The following PHAF1 variants were observed in gnomAD, a reference collection of about 807,000 sequenced individuals.
PHAF1 encodes phagosome assembly factor 1.
In PHAF1, 23 loss-of-function variants were observed where a neutral mutation model predicts 63.1. The observed-to-expected ratio is 0.36, with a 90% CI of 0.26 to 0.52. The LOEUF is 0.52. PHAF1 is among the 20% of genes least tolerant of loss of function. The pLI is 0.93. For missense variants in PHAF1, 427 were observed against 517.2 expected (o/e 0.83, Z 1.69); for synonymous variants, 167 against 185.0 (o/e 0.90, Z 0.79).
chr16:67,123,484 G>A (rs972946254), intron 2 of PHAF1, among the ~76,000 whole-genome samples: 9 of 152,122 alleles, frequency 5.9e-5, no homozygotes, highest in Non-Finnish European at 1.3e-4. Context: ...GGCTGGAGCA[G>A]GAGAATCACT....
chr16:67,110,126 C>T lies in PHAF1; in HGVS notation c.-50C>T. 1.9e-6 allele frequency: 3 copies of T among 1,544,658 alleles called. No individual in the cohort carries two copies. The highest frequency in any genetic ancestry group is 1.8e-6 in the Non-Finnish European group (2 of 1,142,654). ...GCTGCTTTGTCTCCTTAGCTCGGGTCCCTTCTGCGCTGCCGCAGGGAGGCC... is the reference window on the plus strand; with the variant it reads ...GCTGCTTTGTCTCCTTAGCTCGGGTTCCTTCTGCGCTGCCGCAGGGAGGCC... On this transcript the variant is annotated 5_prime_UTR_variant, in exon 1 of 16. Coordinates refer to ENST00000219139, the MANE Select transcript of PHAF1 (RefSeq NM_025187.5).
At chr16:67,146,893 G>A in intron 15 of PHAF1, 152 bp from the exon 16 acceptor site, 1 of 709,242 alleles carries the variant, frequency 1.4e-6, no homozygotes, top group East Asian at 2.5e-5. Context: ...CAGGCAGAGG[G>A]GGGCCTTTAG....
rs796296200 is a variant in PHAF1 at position 67,113,510 on chromosome 16, C to T, written c.64+3271C>T. ...TGTTGCCCAGGCTAGAGTGCAGTAG[C>T]GTGATTTTGGCTCACTGCAAGCTCC... is the stretch of plus-strand genomic sequence containing the variant. On this transcript the variant is annotated intron_variant, in intron 1 of 15. Transcript: ENST00000219139. 7.7e-4 allele frequency among the ~76,000 whole-genome samples: 113 copies of T among 147,178 alleles called. 1 individual carries two copies. Among genetic ancestry groups the T allele is most frequent in the African/African-American group, 2.6e-3 (103 of 39,624 alleles).
At chr16:67,118,123 ATTTTTT>A (rs772394136) in intron 1 of PHAF1, among the ~76,000 whole-genome samples, 1 of 120,950 alleles carries the variant, frequency 8.3e-6, no homozygotes, top group South Asian at 2.8e-4. Flanking sequence ...CGCCCGGCTA[ATTTTTT>A]TTTTTTTTTT....
chr16:67,110,153 C>T lies in PHAF1; in HGVS notation c.-23C>T. The stretch of plus-strand genomic sequence containing the variant: ...CTTCTGCGCTGCCGCAGGGAGGCCG[C>T]CCGGGCCAGGCGAGCCGAACCAATG... On this transcript the variant is annotated 5_prime_UTR_variant, in exon 1 of 16. Transcript: ENST00000219139. 1.3e-6 allele frequency: 2 copies of T among 1,550,578 alleles called. No individual in the cohort carries two copies. The highest frequency in any genetic ancestry group is 1.7e-6 in the Non-Finnish European group (2 of 1,147,130).
intron 4 of PHAF1, 111 bp from the exon 5 acceptor site, chr16:67,132,331 ATAAT>A (rs918736818): frequency 3.3e-6 from 3 of 900,542 alleles, no homozygotes; most frequent in African/African-American, 3.4e-5. Context: ...GTATTTTGAT[ATAAT>A]TAGAGACTCA....
At chr16:67,122,262 T>TGTTA (rs1179114644) in intron 2 of PHAF1, among the ~76,000 whole-genome samples, 1 of 152,156 alleles carries the variant, frequency 6.6e-6, no homozygotes, top group East Asian at 1.9e-4. Context: ...GTATAAACAG[T>TGTTA]GTTAGCATTA....
intron 8 of PHAF1, among the ~76,000 whole-genome samples, chr16:67,137,422 G>A (rs754533656): frequency 9.2e-5 from 14 of 151,978 alleles, no homozygotes; most frequent in Middle Eastern, 3.2e-3. Flanking sequence ...GGGTTAAAGC[G>A]ATTCTCATGC....
At position 67,144,336 on chromosome 16, in the gene PHAF1, G is replaced by T. The variant is rs767671626; in HGVS notation, c.922G>T (p.Val308Phe). 4 of 1,612,226 alleles carry T rather than the reference G, an allele frequency of 2.5e-6. No individual in the cohort carries two copies. Among genetic ancestry groups the T allele is most frequent in the East Asian group, 2.2e-5 (1 of 44,882 alleles). ...DANTHKVKKF[V>F]LHTNYPGHYN... ...GAATACACACAAAGTGAAGAAGTTTGTTCTACACACCAATTACCCTGGGCA... is the reference window on the plus strand; with the variant it reads ...GAATACACACAAAGTGAAGAAGTTTTTTCTACACACCAATTACCCTGGGCA... The change falls in exon 11 of 16, where the codon GTT becomes TTT. Residue 308 changes from valine to phenylalanine, a missense_variant. Coordinates refer to ENST00000219139, the MANE Select transcript of PHAF1 (RefSeq NM_025187.5).
chr16:67,124,901 CAAAAAAA>C (rs573637159), intron 2 of PHAF1, among the ~76,000 whole-genome samples: 4 of 106,726 alleles, frequency 3.7e-5, no homozygotes, highest in Middle Eastern at 4.5e-3. Context: ...AGACTTCATC[CAAAAAAA>C]AAAAAAAAAA....
At chr16:67,113,191 C>T (rs867033069) in intron 1 of PHAF1, among the ~76,000 whole-genome samples, 1 of 152,210 alleles carries the variant, frequency 6.6e-6, no homozygotes, top group Admixed American at 6.5e-5. Context: ...AACTTTGTCA[C>T]CAGGTTTCTT....
rs575709869 is a variant in PHAF1 at position 67,129,300 on chromosome 16, A to G, written c.232-1986A>G. ...AACACCTTCCCTATGCAAATTAATGAGTCCCTCAAGGGGCTTAACTTATTG... is the reference window on the plus strand; with the variant it reads ...AACACCTTCCCTATGCAAATTAATGGGTCCCTCAAGGGGCTTAACTTATTG... On this transcript the variant is annotated intron_variant, in intron 3 of 15. Coordinates refer to ENST00000219139, the MANE Select transcript of PHAF1 (RefSeq NM_025187.5). Among the ~76,000 whole-genome samples, 4 of 152,332 alleles carry G rather than the reference A, an allele frequency of 2.6e-5. No homozygotes were observed. The South Asian group carries it at 6.2e-4, about 24-fold the overall frequency.
chr16:67,134,339 C>T lies in PHAF1; in HGVS notation c.549-16C>T, dbSNP rs758000382. ...AGAAAGAACCAAGCCTCTGCTCATT[C>T]TGTGTCTGTCCCCAGGGCTCCCATG... On this transcript the variant is annotated splice_polypyrimidine_tract_variant and intron_variant, in intron 7 of 15. Transcript: ENST00000219139. 1.2e-6 allele frequency: 2 copies of T among 1,609,316 alleles called. No homozygotes were observed. The highest frequency in any genetic ancestry group is 1.1e-5 in the South Asian group (1 of 90,986).
chr16:67,133,399 A>G (rs1963479748), intron 6 of PHAF1, among the ~76,000 whole-genome samples: 1 of 151,924 alleles, frequency 6.6e-6, no homozygotes, highest in Non-Finnish European at 1.5e-5. Context: ...TCATGCTTCT[A>G]ATCCCAGCAC....
chr16:67,135,291 G>A, intron 8 of PHAF1: 1 of 152,678 alleles, frequency 6.5e-6, no homozygotes, highest in Non-Finnish European at 1.5e-5. Flanking sequence ...GGGATTACAG[G>A]CACGCATTAG....
chr16:67,142,772 G>T (rs1963859891), intron 10 of PHAF1, among the ~76,000 whole-genome samples: 1 of 152,140 alleles, frequency 6.6e-6, no homozygotes, highest in Non-Finnish European at 1.5e-5. Context: ...ATGGGCTCCT[G>T]CCCTGCCAAC....
At position 67,139,989 on chromosome 16, in the gene PHAF1, G is replaced by A. The variant is rs1597213796; in HGVS notation, c.667G>A (p.Gly223Arg). The change falls in exon 9 of 16, where the codon GGA (glycine) becomes AGA (arginine). Residue 223 changes from glycine to arginine, a missense_variant. Transcript: ENST00000219139. The stretch of plus-strand genomic sequence containing the variant: ...CTCTGTCTTGTTTTTTGCAGGTTGT[G>A]GACCTGGCCTATTAGCAGATGCCAA... The part of the protein sequence containing the change: ...LRLRLLAAGC[G>R]PGLLADAKMR... 2.5e-6 allele frequency: 4 copies of A among 1,613,938 alleles called. No homozygotes were observed. The highest frequency in any genetic ancestry group is 3.4e-6 in the Non-Finnish European group (4 of 1,179,970).
intron 10 of PHAF1, among the ~76,000 whole-genome samples, chr16:67,143,301 C>T (rs2145888226): frequency 6.6e-6 from 1 of 152,242 alleles, no homozygotes; most frequent in East Asian, 1.9e-4. Flanking sequence ...CTTTGGGAGG[C>T]CAAGGTGGGT....
At chr16:67,112,428 C>G (rs1189866354) in intron 1 of PHAF1, among the ~76,000 whole-genome samples, 1 of 147,734 alleles carries the variant, frequency 6.8e-6, no homozygotes, top group South Asian at 2.2e-4. Flanking sequence ...CTTAACTACT[C>G]GGGAGGCTGA....
Sources: allele counts gnomAD v4.1 joint callset (sites outside exome capture counted in the v4.1 genomes callset), GRCh38; gene constraint gnomAD v4.1.1; transcripts MANE v1.5; gene names NCBI Gene and HGNC (gene_info 2026-07-23, HGNC 2026-07-21).